Variants in LARGE1 observed in about 807,000 individuals in gnomAD.
The protein encoded by LARGE1 is xylosyl- and glucuronyltransferase LARGE1.
LARGE1 carries 43 observed loss-of-function variants against 87.6 expected under a neutral mutation model. The ratio of observed to expected loss-of-function variants is 0.49; its 90% CI spans 0.38 to 0.63. The LOEUF is 0.63. LARGE1 is among the 30% of genes least tolerant of loss of function. The probability of loss-of-function intolerance (pLI) is 0.00; values close to 1 mark genes in which losing one functional copy is unlikely to be tolerated. For missense variants in LARGE1, 802 were observed against 1,000.2 expected (o/e 0.80, Z 2.67); for synonymous variants, 434 against 394.6 (o/e 1.10, Z -1.18).
At chr22:33,348,343 C>G (rs1940017993) in intron 9 of LARGE1, among the ~76,000 whole-genome samples, 1 of 141,956 alleles carries the variant, frequency 7.0e-6, no homozygotes. Flanking sequence ...GGGCAAGGCA[C>G]TGATCTGGTA....
chr22:33,803,853 T>C (rs1371603969), intron 1 of LARGE1, among the ~76,000 whole-genome samples: 2 of 152,218 alleles, frequency 1.3e-5, no homozygotes, highest in African/African-American at 4.8e-5. Context: ...GGAAAACAGA[T>C]GTTCAGAATA....
chr22:33,531,136 T>C (rs1024433437), intron 6 of LARGE1, among the ~76,000 whole-genome samples: 5 of 152,292 alleles, frequency 3.3e-5, no homozygotes, highest in African/African-American at 9.6e-5. Flanking sequence ...CTGGATCACC[T>C]ACTCCATGTG....
intron 7 of LARGE1, among the ~76,000 whole-genome samples, chr22:33,414,262 A>T (rs1455261798): frequency 6.6e-6 from 1 of 152,196 alleles, no homozygotes. Flanking sequence ...TAAAATGGTC[A>T]AACTAATAGA....
chr22:33,312,718 C>A (rs1007774049), intron 11 of LARGE1, among the ~76,000 whole-genome samples: 1 of 152,178 alleles, frequency 6.6e-6, no homozygotes, highest in African/African-American at 2.4e-5. Flanking sequence ...TAAGTGAAAC[C>A]CTCTCACTTG....
chr22:33,205,948 C>CTTTTTTTTTTTT (rs386395258), intron 11 of LARGE1, among the ~76,000 whole-genome samples: 4 of 84,988 alleles, frequency 4.7e-5, no homozygotes, highest in Non-Finnish European at 6.5e-5. Flanking sequence ...CATGCTAATT[C>CTTTTTTTTTTTT]TTTTTTTTTT....
Position 33,223,637 on chromosome 22 carries a change from C to T in LARGE1, c.1731-56805G>A, listed in dbSNP as rs549450965. Among the ~76,000 whole-genome samples, 5 of 152,282 alleles carry T rather than the reference C, an allele frequency of 3.3e-5. No individual in the cohort carries two copies. The East Asian group carries it at 5.8e-4, about 18-fold the overall frequency. ...TCATATGCCACATTTCTCTCTCCCT[C>T]GTTCAACAGAAGCAGCCCTCATGCA... On this transcript the variant is annotated intron_variant, in intron 11 of 11. Transcript: ENST00000608642.
intron 9 of LARGE1, among the ~76,000 whole-genome samples, chr22:33,347,741 T>C (rs1054812181): frequency 6.6e-6 from 1 of 152,190 alleles, no homozygotes; most frequent in African/African-American, 2.4e-5. Flanking sequence ...AACCTGCACC[T>C]AGTTGCCTAA....
At chr22:33,653,033 C>T (rs1186233649) in intron 2 of LARGE1, among the ~76,000 whole-genome samples, 1 of 152,152 alleles carries the variant, frequency 6.6e-6, no homozygotes, top group Non-Finnish European at 1.5e-5. Flanking sequence ...GCTTTTGAAA[C>T]CTGTCTCCCT....
At chr22:33,799,240 G>C (rs1569451389) in intron 1 of LARGE1, among the ~76,000 whole-genome samples, 1 of 152,022 alleles carries the variant, frequency 6.6e-6, no homozygotes, top group Admixed American at 6.6e-5. Flanking sequence ...GCCTATCCAC[G>C]TGAAGTTAGA....
intron 9 of LARGE1, among the ~76,000 whole-genome samples, chr22:33,380,669 A>G (rs991662984): frequency 2.0e-4 from 31 of 152,252 alleles, no homozygotes; most frequent in Admixed American, 3.3e-4. Flanking sequence ...TACAAATAAG[A>G]CATAATACCC....
chr22:33,495,771 T>TA (rs1440738436), intron 6 of LARGE1, among the ~76,000 whole-genome samples: 1 of 152,124 alleles, frequency 6.6e-6, no homozygotes, highest in Non-Finnish European at 1.5e-5. Flanking sequence ...ATTTCAATGC[T>TA]ACTGCTTTGA....
chr22:33,595,455 G>C (rs759505417), intron 5 of LARGE1, among the ~76,000 whole-genome samples: 1 of 152,168 alleles, frequency 6.6e-6, no homozygotes, highest in Non-Finnish European at 1.5e-5. Flanking sequence ...GAACCACAGA[G>C]AATGTCTCTG....
the LARGE1 span, among the ~76,000 whole-genome samples, chr22:33,079,221 CTTTTTT>C: frequency 1.2e-5 from 1 of 85,776 alleles, no homozygotes; most frequent in Non-Finnish European, 2.2e-5. Flanking sequence ...AGTTATCATT[CTTTTTT>C]TTTTTTTTTT....
intron 11 of LARGE1, among the ~76,000 whole-genome samples, chr22:33,266,846 G>C (rs888313650): frequency 2.7e-5 from 4 of 150,470 alleles, no homozygotes; most frequent in African/African-American, 9.9e-5. Flanking sequence ...AAGCTGTAGA[G>C]AACAGTCTTG....
chr22:33,591,816 G>C (rs75322872), intron 5 of LARGE1, among the ~76,000 whole-genome samples: 1 of 148,088 alleles, frequency 6.8e-6, no homozygotes, highest in South Asian at 2.2e-4. Flanking sequence ...AGATCAACAC[G>C]GGCAATATAG....
chr22:33,915,967 T>C (rs1173637449), intron 1 of LARGE1, among the ~76,000 whole-genome samples: 1 of 152,102 alleles, frequency 6.6e-6, no homozygotes, highest in East Asian at 1.9e-4. Context: ...GTCTGCAGGA[T>C]AGTACTTACC....
chr22:33,477,297 G>A (rs979109165), intron 6 of LARGE1, among the ~76,000 whole-genome samples: 2 of 151,994 alleles, frequency 1.3e-5, no homozygotes, highest in Non-Finnish European at 2.9e-5. Flanking sequence ...GAAAGGGTTT[G>A]CTGTCAGTTA....
chr22:33,234,169 G>T (rs1306607035), intron 11 of LARGE1, among the ~76,000 whole-genome samples: 1 of 152,246 alleles, frequency 6.6e-6, no homozygotes, highest in Non-Finnish European at 1.5e-5. Context: ...CCTAGCAAAT[G>T]AAGCCTTCAT....
intron 1 of LARGE1, among the ~76,000 whole-genome samples, chr22:33,795,963 T>G (rs2413200): frequency 1.3e-5 from 2 of 150,808 alleles, no homozygotes. Context: ...CAAACCTGCA[T>G]ATTGTGCACA....
Sources: gnomAD v4.1 joint callset for allele counts (sites outside exome capture counted in the v4.1 genomes callset) on GRCh38, gnomAD v4.1.1 for gene constraint, MANE v1.5 for transcripts, NCBI Gene and HGNC (gene_info 2026-07-23, HGNC 2026-07-21) for gene names.